Variants in EXT1 observed in about 807,000 individuals in gnomAD.
The protein encoded by EXT1 is exostosin glycosyltransferase 1.
EXT1 carries 20 observed loss-of-function variants against 82.5 expected under a neutral mutation model. The ratio of observed to expected loss-of-function variants is 0.24; its 90% CI spans 0.17 to 0.35. EXT1 has a LOEUF of 0.35. EXT1 is among the 10% of genes least tolerant of loss of function. The pLI, the probability that EXT1 is intolerant of heterozygous loss-of-function variation, is 1.00. For missense variants in EXT1, 757 were observed against 936.5 expected (o/e 0.81, Z 2.50); for synonymous variants, 348 against 350.8 (o/e 0.99, Z 0.09).
chr8:118,036,871 C>T (rs1816429056), intron 1 of EXT1, among the ~76,000 whole-genome samples: 1 of 152,140 alleles, frequency 6.6e-6, no homozygotes, highest in Non-Finnish European at 1.5e-5. Context: ...CTGGAATATC[C>T]TTTCAGGTGA....
In EXT1 at chr8:117,796,374, A is replaced by C. The variant is rs1354730002; in HGVS notation, c.*3338T>G. 6.8e-6 allele frequency: 1 copy of C among 146,372 alleles called. No individual in the cohort carries two copies. Among genetic ancestry groups the C allele is most frequent in the Non-Finnish European group, 1.5e-5 (1 of 66,712 alleles). 9.1% of individuals were successfully genotyped at this position (146,372 alleles called of 1,614,324 possible). ...CAAGTGCCCTGTTTTTTTTTTTTTT[A>C]ATTAAAAAAAATAGTATATAGGCCT... On this transcript the variant is annotated 3_prime_UTR_variant, in exon 11 of 11. Transcript: ENST00000378204.
chr8:117,929,415 G>A (rs1814009904), intron 1 of EXT1, among the ~76,000 whole-genome samples: 1 of 152,208 alleles, frequency 6.6e-6, no homozygotes. Context: ...CAATGTGAAA[G>A]ACATCAGAGA....
chr8:117,982,152 T>G (rs1446921921), intron 1 of EXT1, among the ~76,000 whole-genome samples: 1 of 152,186 alleles, frequency 6.6e-6, no homozygotes, highest in Non-Finnish European at 1.5e-5. Context: ...GCTCAGTGTC[T>G]CACAAGGTGT....
intron 1 of EXT1, among the ~76,000 whole-genome samples, chr8:118,027,681 C>G (rs955743348): frequency 2.6e-5 from 4 of 152,212 alleles, no homozygotes; most frequent in African/African-American, 9.7e-5. Context: ...TCAGTCACTT[C>G]CCATGCCCCC....
At chr8:117,997,516 T>C (rs1280278872) in intron 1 of EXT1, among the ~76,000 whole-genome samples, 1 of 152,020 alleles carries the variant, frequency 6.6e-6, no homozygotes, top group African/African-American at 2.4e-5. Flanking sequence ...TGAGAACCTC[T>C]GTCTCTAAGG....
intron 1 of EXT1, among the ~76,000 whole-genome samples, chr8:117,924,532 T>C (rs764330898): frequency 3.9e-5 from 6 of 152,222 alleles, no homozygotes; most frequent in Non-Finnish European, 8.8e-5. Context: ...GTAATTACTG[T>C]GTCATGTGGA....
intron 1 of EXT1, among the ~76,000 whole-genome samples, chr8:118,079,356 C>G (rs1468110244): frequency 6.6e-6 from 1 of 152,114 alleles, no homozygotes; most frequent in Admixed American, 6.6e-5. Flanking sequence ...ATTAATTACT[C>G]GAATAAAACC....
rs1450732140 is a variant in EXT1 at position 118,111,753 on chromosome 8, G to C, written c.-707C>G. ...CGGCGGCGCGTCCTCCCCGCGGGCA[G>C]TGCCGGCCCCGAGCAGCGCTTCGCA... On this transcript the variant is annotated 5_prime_UTR_variant, in exon 1 of 11. Transcript: ENST00000378204. 1 of 148,500 alleles carries C rather than the reference G, an allele frequency of 6.7e-6. No homozygotes were observed. The highest frequency in any genetic ancestry group is 1.5e-5 in the Non-Finnish European group (1 of 66,530). The allele number at this position is 148,500 out of a possible 1,614,324, so 9.2% of individuals were successfully genotyped here.
rs1269185660 is a variant in EXT1 at position 117,867,216 on chromosome 8, A to T, written c.963-30015T>A. 3.6e-5 allele frequency among the ~76,000 whole-genome samples: 5 copies of T among 140,300 alleles called. 1 individual carries two copies. Among genetic ancestry groups the T allele is most frequent in the African/African-American group, 1.3e-4 (5 of 37,710 alleles). The allele number at this position is 140,300 out of a possible 152,430, so 92.0% of individuals were successfully genotyped here. A position where few individuals can be genotyped will look rare whatever the true frequency, so the allele number is the denominator to read the frequency against. ...AGAAGGTGCAGTGGGCCGAGATTGC[A>T]CCACTGTACTCCAGCCTGGGCGACA... On this transcript the variant is annotated intron_variant, in intron 1 of 10. Transcript: ENST00000378204.
intron 1 of EXT1, among the ~76,000 whole-genome samples, chr8:118,105,497 A>G (rs1029165381): frequency 2.6e-5 from 4 of 152,142 alleles, no homozygotes; most frequent in African/African-American, 9.7e-5. Context: ...TAACACCCCA[A>G]CATTTACTCA....
At chr8:118,039,557 CAAAAAA>C (rs71307422) in intron 1 of EXT1, among the ~76,000 whole-genome samples, 2 of 82,044 alleles carry the variant, frequency 2.4e-5, no homozygotes, top group South Asian at 4.8e-4. Flanking sequence ...GACTCCGTCA[CAAAAAA>C]AAAAAAAAAA....
In EXT1 at chr8:118,066,733, G is replaced by A. The variant is rs1017180197; in HGVS notation, c.962+43352C>T. 3.7e-4 allele frequency among the ~76,000 whole-genome samples: 57 copies of A among 152,128 alleles called. 2 individuals are homozygous for A. The highest frequency in any genetic ancestry group is 7.4e-5 in the Non-Finnish European group (5 of 68,010). On this transcript the variant is annotated intron_variant, in intron 1 of 10. Transcript: ENST00000378204. ...AAATATGTGTTAGTTGACCATTTATGTCATCAGCAATGCTTCCAGTGAACA... is the reference window on the plus strand; with the variant it reads ...AAATATGTGTTAGTTGACCATTTATATCATCAGCAATGCTTCCAGTGAACA...
intron 1 of EXT1, among the ~76,000 whole-genome samples, chr8:117,992,948 A>C (rs937568967): frequency 6.6e-6 from 1 of 152,242 alleles, no homozygotes; most frequent in Non-Finnish European, 1.5e-5. Flanking sequence ...TCAGCTTCAC[A>C]GACAGCATCT....
chr8:117,797,956 A>G lies in EXT1; in HGVS notation c.*1756T>C, dbSNP rs569326137. On this transcript the variant is annotated 3_prime_UTR_variant, in exon 11 of 11. Coordinates refer to ENST00000378204, the MANE Select transcript of EXT1 (RefSeq NM_000127.3). ...GCACCTCTCAAAACACCATCTGGAT[A>G]TGTGGGCTCTACTCCTTGTTCTGCA... is the stretch of plus-strand genomic sequence containing the variant. 6.6e-6 allele frequency: 1 copy of G among 152,342 alleles called. No individual in the cohort carries two copies. Among genetic ancestry groups the G allele is most frequent in the Admixed American group, 6.5e-5 (1 of 15,298 alleles). 9.4% of individuals were successfully genotyped at this position (152,342 alleles called of 1,614,324 possible).
At chr8:117,917,884 C>A (rs1813784225) in intron 1 of EXT1, among the ~76,000 whole-genome samples, 1 of 152,178 alleles carries the variant, frequency 6.6e-6, no homozygotes, top group South Asian at 2.1e-4. Flanking sequence ...CTGGCATTCA[C>A]TGAATGCCTA....
intron 1 of EXT1, among the ~76,000 whole-genome samples, chr8:118,072,488 A>AG: frequency 6.6e-6 from 1 of 152,310 alleles, no homozygotes; most frequent in African/African-American, 2.4e-5. Flanking sequence ...GCTTACCCTA[A>AG]GGGGGGAGAC....
intron 1 of EXT1, among the ~76,000 whole-genome samples, chr8:117,859,142 T>C (rs976471734): frequency 7.2e-5 from 11 of 152,242 alleles, no homozygotes; most frequent in African/African-American, 2.7e-4. Flanking sequence ...ATAACTTTTA[T>C]ATGTACTGGA....
intron 1 of EXT1, among the ~76,000 whole-genome samples, chr8:117,875,828 C>T (rs1163924480): frequency 6.6e-6 from 1 of 152,114 alleles, no homozygotes; most frequent in Non-Finnish European, 1.5e-5. Flanking sequence ...CCCATCTGGC[C>T]CTTCTCCCCA....
chr8:118,093,843 A>T (rs1168010928), intron 1 of EXT1, among the ~76,000 whole-genome samples: 1 of 152,210 alleles, frequency 6.6e-6, no homozygotes, highest in Non-Finnish European at 1.5e-5. Flanking sequence ...ACACTGTTTA[A>T]ACTTAACATG....
Sources: gnomAD v4.1 joint callset for allele counts (sites outside exome capture counted in the v4.1 genomes callset) on GRCh38, gnomAD v4.1.1 for gene constraint, MANE v1.5 for transcripts, NCBI Gene and HGNC (gene_info 2026-07-23, HGNC 2026-07-21) for gene names.